BANK1: variants seen among roughly 807,000 people sequenced by gnomAD.
BANK1 encodes the protein B cell scaffold protein with ankyrin repeats 1, also known as B-cell scaffold protein with ankyrin repeats.
In BANK1, 95 loss-of-function variants were observed where a neutral mutation model predicts 94.5. The ratio of observed to expected loss-of-function variants is 1.00; its 90% CI spans 0.85 to 1.19. BANK1 has a LOEUF of 1.19. Ranked by LOEUF, BANK1 falls within the 50% of genes most tolerant of loss-of-function variation. The pLI, the probability that BANK1 is intolerant of heterozygous loss-of-function variation, is 0.00. For missense variants in BANK1, 987 were observed against 932.2 expected (o/e 1.06, Z -0.77); for synonymous variants, 334 against 308.4 (o/e 1.08, Z -0.87).
chr4:102,022,425 A>C (rs76987783), intron 8 of BANK1, among the ~76,000 whole-genome samples: 2 of 152,136 alleles, frequency 1.3e-5, no homozygotes, highest in Non-Finnish European at 2.9e-5. Flanking sequence ...AAACATTCCC[A>C]GCATTCAGCC....
chr4:101,816,572 T>C (rs76913547), intron 1 of BANK1, among the ~76,000 whole-genome samples: 1 of 151,516 alleles, frequency 6.6e-6, no homozygotes, highest in South Asian at 2.1e-4. Flanking sequence ...TTTTTTTTTT[T>C]CTGTTAACAG....
intron 5 of BANK1, among the ~76,000 whole-genome samples, chr4:101,876,638 A>G (rs1408830564): frequency 6.6e-6 from 1 of 152,218 alleles, no homozygotes; most frequent in East Asian, 1.9e-4. Flanking sequence ...CAATGCCCAG[A>G]CATAGGCAAA....
At chr4:101,842,168 A>G (rs542052275) in intron 2 of BANK1, among the ~76,000 whole-genome samples, 1 of 152,326 alleles carries the variant, frequency 6.6e-6, no homozygotes, top group African/African-American at 2.4e-5. Context: ...TTCTTTGTGC[A>G]AGACCTATGG....
At chr4:101,792,663 T>C (rs1043488344) in intron 1 of BANK1, among the ~76,000 whole-genome samples, 1 of 152,040 alleles carries the variant, frequency 6.6e-6, no homozygotes, top group Non-Finnish European at 1.5e-5. Flanking sequence ...TTTTATTCCC[T>C]GCCAAGAGTC....
chr4:101,801,810 TTTTTC>T (rs1725363956), intron 1 of BANK1, among the ~76,000 whole-genome samples: 1 of 152,346 alleles, frequency 6.6e-6, no homozygotes, highest in Non-Finnish European at 1.5e-5. Context: ...ATCACAAATA[TTTTTC>T]TTTTATCACT....
rs1343326085 is a variant in BANK1 at position 101,893,679 on chromosome 4, A to C, written c.904-1626A>C. 7.2e-5 allele frequency among the ~76,000 whole-genome samples: 11 copies of C among 152,072 alleles called. No individual in the cohort carries two copies. The East Asian group carries it at 2.1e-3, about 29-fold the overall frequency. ...AGAGATTAAAACAGTAATAACAACT[A>C]ATATAAAATTGTGTCATCTTCATTT... On this transcript the variant is annotated intron_variant, in intron 5 of 16. Coordinates refer to ENST00000322953, the MANE Select transcript of BANK1 (RefSeq NM_017935.5).
intron 7 of BANK1, among the ~76,000 whole-genome samples, chr4:102,015,226 ATAATT>A (rs1202891957): frequency 1.3e-5 from 2 of 152,084 alleles, no homozygotes; most frequent in Non-Finnish European, 2.9e-5. Flanking sequence ...TTGAATAAAT[ATAATT>A]TATAGTTTGA....
At chr4:101,936,255 A>ATACATGTATG (rs1339848740) in intron 7 of BANK1, among the ~76,000 whole-genome samples, 5 of 150,092 alleles carry the variant, frequency 3.3e-5, no homozygotes, top group Admixed American at 1.3e-4. Context: ...TATATGACAC[A>ATACATGTATG]CATACATGTA....
At chr4:101,885,078 C>T (rs116560851) in intron 5 of BANK1, among the ~76,000 whole-genome samples, 3,134 of 152,214 alleles carry the variant, frequency 0.021, 117 homozygotes, top group African/African-American at 0.072. Context: ...CCTCCACGCC[C>T]GACTAATTTT....
At position 101,790,771 on chromosome 4, in the gene BANK1, G is replaced by A; in HGVS notation, c.-110G>A. The A allele has an allele frequency of 1.6e-6, 2 of 1,212,408 alleles. No individual in the cohort carries two copies. Among genetic ancestry groups the A allele is most frequent in the South Asian group, 2.6e-5 (2 of 76,830 alleles). 75.1% of individuals were successfully genotyped at this position (1,212,408 alleles called of 1,614,324 possible). A position where few individuals can be genotyped will look rare whatever the true frequency, so the allele number is the denominator to read the frequency against. On this transcript the variant is annotated 5_prime_UTR_variant, in exon 1 of 17. Coordinates refer to ENST00000322953, the MANE Select transcript of BANK1 (RefSeq NM_017935.5). ...CTCCGCGGGTGGCAAGCGGGCTGGG[G>A]AGAGCCGAGGGCCAAAGGAAGAGAA...
At chr4:102,007,170 A>ATATATATATATATATATATAT (rs1560682419) in intron 7 of BANK1, among the ~76,000 whole-genome samples, 37 of 113,096 alleles carry the variant, frequency 3.3e-4, no homozygotes, top group Non-Finnish European at 5.3e-4. Context: ...ATATATATAT[A>ATATATATATATATATATATAT]AAATCCCTAA....
intron 7 of BANK1, among the ~76,000 whole-genome samples, chr4:101,968,025 A>AT (rs1724821769): frequency 6.6e-6 from 1 of 151,982 alleles, no homozygotes; most frequent in Admixed American, 6.6e-5. Flanking sequence ...GGGAAAGCAT[A>AT]TTGGTCTCTG....
intron 7 of BANK1, among the ~76,000 whole-genome samples, chr4:101,921,468 A>G (rs1173350073): frequency 6.6e-6 from 1 of 151,934 alleles, no homozygotes; most frequent in Non-Finnish European, 1.5e-5. Flanking sequence ...ACAAACTGGA[A>G]CTTGGCCTCA....
intron 1 of BANK1, among the ~76,000 whole-genome samples, chr4:101,815,432 A>C (rs1725878311): frequency 6.6e-6 from 1 of 152,134 alleles, no homozygotes; most frequent in East Asian, 1.9e-4. Context: ...ATTTTTAAAC[A>C]TATGTCATTT....
intron 8 of BANK1, 42 bp downstream of exon 8, chr4:102,021,634 T>G: frequency 1.2e-6 from 1 of 809,514 alleles, no homozygotes; most frequent in Non-Finnish European, 1.8e-6. Context: ...CATATTCATA[T>G]ATATATCACA....
chr4:101,799,866 T>G (rs1725296769), intron 1 of BANK1, among the ~76,000 whole-genome samples: 1 of 151,918 alleles, frequency 6.6e-6, no homozygotes. Flanking sequence ...AGAGTGAGAT[T>G]CCATCTCAAA....
At chr4:101,810,142 A>G (rs1725691452) in intron 1 of BANK1, among the ~76,000 whole-genome samples, 1 of 152,250 alleles carries the variant, frequency 6.6e-6, no homozygotes, top group South Asian at 2.1e-4. Context: ...CCATTGGTCA[A>G]GAACTGTGGG....
chr4:101,929,791 G>A (rs1723284310), intron 7 of BANK1, among the ~76,000 whole-genome samples: 1 of 150,596 alleles, frequency 6.6e-6, no homozygotes, highest in African/African-American at 2.4e-5. Flanking sequence ...TGTTGGGGGG[G>A]GACTAAAAAT....
At chr4:101,802,515 T>G (rs1578325039) in intron 1 of BANK1, among the ~76,000 whole-genome samples, 1 of 152,326 alleles carries the variant, frequency 6.6e-6, no homozygotes, top group East Asian at 1.9e-4. Flanking sequence ...TTTATATATC[T>G]TTTATGAGGA....
Sources: allele counts gnomAD v4.1 joint callset (sites outside exome capture counted in the v4.1 genomes callset), GRCh38; gene constraint gnomAD v4.1.1; transcripts MANE v1.5; gene names NCBI Gene and HGNC (gene_info 2026-07-23, HGNC 2026-07-21).